Variants in NFAT5 observed in about 807,000 individuals in gnomAD.
NFAT5 encodes nuclear factor of activated T-cells 5.
Under a neutral mutation model 166.5 loss-of-function variants are expected in NFAT5, and 31 were observed. That is an observed-to-expected ratio of 0.19 (90% CI 0.14 to 0.25). The LOEUF (loss-of-function observed/expected upper bound fraction) is 0.25. Ranked by LOEUF, NFAT5 falls within the 10% of genes least tolerant of loss-of-function variation. The pLI, the probability that NFAT5 is intolerant of heterozygous loss-of-function variation, is 1.00. For missense variants in NFAT5, 1,449 were observed against 1,821.8 expected, an observed-to-expected ratio of 0.80 and a Z score of 3.72; for synonymous variants, 612 against 639.7, an observed-to-expected ratio of 0.96 and a Z score of 0.65.
chr16:69,693,088 A>C lies in NFAT5; in HGVS notation c.3263A>C (p.Gln1088Pro), dbSNP rs781438962. The change falls in exon 13 of 15, where the codon CAA becomes CCA. Residue 1088 changes from glutamine (Q) to proline (P), a missense_variant. Around this residue, in one of 7 missense-constraint regions of NFAT5, gnomAD observed 891 missense variants for 993.0 expected, o/e 0.90. Coordinates refer to ENST00000349945, the MANE Select transcript of NFAT5 (RefSeq NM_138713.4). ...CAGCAGTCTTCTCATTCACAGGCCC[A>C]ACTTTTTCATCCTCAAAATCCTATT... ...FLQQSSHSQAQLFHPQNPIAD... is the reference protein window; with the variant it reads ...FLQQSSHSQAPLFHPQNPIAD... 24 of 1,614,028 alleles carry C rather than the reference A, an allele frequency of 1.5e-5. 1 individual carries two copies. Among genetic ancestry groups the C allele is most frequent in the Non-Finnish European group, 2.0e-5 (24 of 1,180,048 alleles).
intron 6 of NFAT5, among the ~76,000 whole-genome samples, chr16:69,656,095 A>T (rs1259945506): frequency 6.6e-6 from 1 of 152,076 alleles, no homozygotes; most frequent in Non-Finnish European, 1.5e-5. Flanking sequence ...AGCCTGGCCA[A>T]CATGGTGAAA....
chr16:69,606,054 T>C (rs1438011226), intron 2 of NFAT5, among the ~76,000 whole-genome samples: 2 of 152,156 alleles, frequency 1.3e-5, no homozygotes, highest in Non-Finnish European at 2.9e-5. Context: ...ACTGTATCCT[T>C]TTACCCTCTG....
At chr16:69,593,351 TA>T (rs1468278299) in intron 2 of NFAT5, among the ~76,000 whole-genome samples, 1 of 152,178 alleles carries the variant, frequency 6.6e-6, no homozygotes, top group East Asian at 1.9e-4. Flanking sequence ...AAAATTTTTT[TA>T]ATTTTAAGAC....
chr16:69,693,172 C>G lies in NFAT5; in HGVS notation c.3347C>G (p.Pro1116Arg), dbSNP rs1433358654. ...TQGSLFHSPNPIVHSQTSTTS... is the reference protein window; with the variant it reads ...TQGSLFHSPNRIVHSQTSTTS... ...GGTTCTCTCTTTCATAGTCCAAATC[C>G]TATTGTCCACAGTCAGACTTCTACA... is the stretch of plus-strand genomic sequence containing the variant. Residue 1116 changes from proline (P) to arginine (R), a missense_variant, in exon 13 of 15, where the codon CCT (proline) becomes CGT (arginine). Pro to Arg is a moderately radical substitution (Grantham distance 103, BLOSUM62 -2). Coordinates refer to ENST00000349945, the MANE Select transcript of NFAT5 (RefSeq NM_138713.4). 6.2e-7 allele frequency: 1 copy of G among 1,614,126 alleles called. No homozygotes were observed. The highest frequency in any genetic ancestry group is 1.1e-5 in the South Asian group (1 of 91,080).
intron 2 of NFAT5, among the ~76,000 whole-genome samples, chr16:69,600,760 G>GAAAAAAA (rs34206965): frequency 9.9e-6 from 1 of 101,362 alleles, no homozygotes. Context: ...GGAATACTTT[G>GAAAAAAA]AAAAAAAAAA....
At chr16:69,679,978 C>G (rs371143198) in intron 10 of NFAT5, among the ~76,000 whole-genome samples, 1 of 151,926 alleles carries the variant, frequency 6.6e-6, no homozygotes. Flanking sequence ...ATTAGCCGGG[C>G]GCGGTGGTGG....
intron 2 of NFAT5, among the ~76,000 whole-genome samples, chr16:69,589,859 A>G (rs554673166): frequency 2.6e-4 from 40 of 152,190 alleles, no homozygotes; most frequent in African/African-American, 9.1e-4. Context: ...CACCCCACGC[A>G]TCTAAAAAGT....
At chr16:69,645,981 T>C (rs1317716451) in intron 3 of NFAT5, among the ~76,000 whole-genome samples, 6 of 152,204 alleles carry the variant, frequency 3.9e-5, no homozygotes, top group African/African-American at 1.2e-4. Flanking sequence ...GCATAACAGA[T>C]AAATAGTTTT....
intron 2 of NFAT5, among the ~76,000 whole-genome samples, chr16:69,613,156 A>C (rs563537008): frequency 6.6e-6 from 1 of 151,946 alleles, no homozygotes; most frequent in Admixed American, 6.5e-5. Context: ...TCCCTTCCCC[A>C]CCGTAGCCAG....
chr16:69,594,134 G>C (rs1231099625), intron 2 of NFAT5, among the ~76,000 whole-genome samples: 2 of 152,150 alleles, frequency 1.3e-5, no homozygotes, highest in African/African-American at 4.8e-5. Context: ...CTTTATGATG[G>C]GGTATGTTCT....
chr16:69,693,148 G>T lies in NFAT5; in HGVS notation c.3323G>T (p.Gly1108Val). The part of the protein sequence containing the change: ...DAQNLSQETQ[G>V]SLFHSPNPIV... ...CAGAACCTTTCCCAGGAAACTCAAG[G>T]TTCTCTCTTTCATAGTCCAAATCCT... The change falls in exon 13 of 15, where the codon GGT becomes GTT. Residue 1108 changes from glycine to valine, a missense_variant. Gly to Val is a moderately radical substitution (Grantham distance 109). Around this residue, in one of 7 missense-constraint regions of NFAT5, gnomAD observed 891 missense variants for 993.0 expected, o/e 0.90. Coordinates refer to ENST00000349945, the MANE Select transcript of NFAT5 (RefSeq NM_138713.4). The T allele has an allele frequency of 6.2e-7, 1 of 1,614,058 alleles. No individual in the cohort carries two copies. The highest frequency in any genetic ancestry group is 2.2e-5 in the East Asian group (1 of 44,880).
rs774263990 is a variant in NFAT5, at chr16:69,693,665, G to GCAA, written c.3849_3851dup (p.Gln1284dup). 4 of 1,614,138 alleles carry GCAA rather than the reference G, an allele frequency of 2.5e-6. No individual in the cohort carries two copies. The Admixed American group carries it at 6.7e-5, about 27-fold the overall frequency. On this transcript the variant is annotated inframe_insertion, in exon 13 of 15. Transcript: ENST00000349945. ...AGCAACAGCAGCAGCAACAGCAGCA[G>GCAA]CAACAACAACAGAGCATTTTATTCA...
intron 2 of NFAT5, among the ~76,000 whole-genome samples, chr16:69,577,230 A>G (rs2016811838): frequency 6.6e-6 from 1 of 152,078 alleles, no homozygotes. Context: ...AACGTCTATA[A>G]AGGAGGTTTG....
At chr16:69,658,221 G>A (rs905694474) in intron 6 of NFAT5, among the ~76,000 whole-genome samples, 1 of 152,148 alleles carries the variant, frequency 6.6e-6, no homozygotes, top group Non-Finnish European at 1.5e-5. Context: ...GCTGGCTCAT[G>A]CCTGTAATCC....
chr16:69,592,080 C>CTTTTTT (rs3037496), intron 2 of NFAT5, among the ~76,000 whole-genome samples: 3 of 118,122 alleles, frequency 2.5e-5, no homozygotes, highest in South Asian at 5.2e-4. Context: ...ATTACTTTTT[C>CTTTTTT]TTTTTTTTTT....
At chr16:69,682,460 A>T (rs1485529330) in intron 10 of NFAT5, among the ~76,000 whole-genome samples, 1 of 149,966 alleles carries the variant, frequency 6.7e-6, no homozygotes. Flanking sequence ...CCTACAAAGA[A>T]AAAATAATAC....
chr16:69,636,179 C>T (rs891064438), intron 3 of NFAT5, among the ~76,000 whole-genome samples: 3 of 152,190 alleles, frequency 2.0e-5, no homozygotes, highest in African/African-American at 7.2e-5. Flanking sequence ...AAATGATCTC[C>T]TTTGAATCCA....
intron 7 of NFAT5, among the ~76,000 whole-genome samples, chr16:69,662,165 A>G (rs117587767): frequency 6.6e-6 from 1 of 152,326 alleles, no homozygotes; most frequent in Non-Finnish European, 1.5e-5. Flanking sequence ...CAGTGGAAAC[A>G]TAGTAAGAGC....
At chr16:69,605,424 A>G (rs185226363) in intron 2 of NFAT5, among the ~76,000 whole-genome samples, 1 of 152,310 alleles carries the variant, frequency 6.6e-6, no homozygotes, top group African/African-American at 2.4e-5. Flanking sequence ...AGGGCAACAG[A>G]GCGACAGTGT....
Sources: gnomAD v4.1 joint callset for allele counts (sites outside exome capture counted in the v4.1 genomes callset) on GRCh38, gnomAD v4.1.1 for gene constraint, gnomAD v4.1.1 regional missense constraint, MANE v1.5 for transcripts, NCBI Gene and HGNC (gene_info 2026-07-23, HGNC 2026-07-21) for gene names.